BCKDHB: variants seen among roughly 807,000 people sequenced by gnomAD.
BCKDHB encodes branched chain keto acid dehydrogenase E1 subunit beta.
Under a neutral mutation model 48.5 loss-of-function variants are expected in BCKDHB, and 41 were observed. The ratio of observed to expected loss-of-function variants is 0.85; its 90% CI spans 0.66 to 1.10. The LOEUF (loss-of-function observed/expected upper bound fraction) is 1.10. Ranked by LOEUF, BCKDHB falls within the 50% of genes least tolerant of loss-of-function variation. The pLI, the probability that BCKDHB is intolerant of heterozygous loss-of-function variation, is 0.00. For missense variants in BCKDHB, 496 were observed against 494.2 expected (o/e 1.00, Z -0.03); for synonymous variants, 201 against 174.8 (o/e 1.15, Z -1.18).
At chr6:80,358,418 C>G in the BCKDHB span, among the ~76,000 whole-genome samples, 1 of 151,982 alleles carries the variant, frequency 6.6e-6, no homozygotes, top group Non-Finnish European at 1.5e-5. Flanking sequence ...TTTCATTTTT[C>G]TGTTTATTTT....
chr6:80,358,988 C>A, the BCKDHB span, among the ~76,000 whole-genome samples: 1 of 152,174 alleles, frequency 6.6e-6, no homozygotes, highest in African/African-American at 2.4e-5. Flanking sequence ...TCTGAGAGGG[C>A]CCCAACATTG....
intron 9 of BCKDHB, among the ~76,000 whole-genome samples, chr6:80,289,422 C>G (rs1485820851): frequency 6.6e-6 from 1 of 152,058 alleles, no homozygotes; most frequent in African/African-American, 2.4e-5. Context: ...GTTAAGATGG[C>G]TGACTAGATG....
chr6:80,377,943 T>C, the BCKDHB span, among the ~76,000 whole-genome samples: 1 of 152,224 alleles, frequency 6.6e-6, no homozygotes, highest in Non-Finnish European at 1.5e-5. Flanking sequence ...GTTAAGTCTT[T>C]AGATCTGTGA....
chr6:80,325,190 A>G (rs989120740), intron 9 of BCKDHB, among the ~76,000 whole-genome samples: 2 of 152,200 alleles, frequency 1.3e-5, no homozygotes, highest in African/African-American at 4.8e-5. Flanking sequence ...TAGATCAAAC[A>G]TGGTTTATTA....
chr6:80,386,984 C>T, the BCKDHB span, among the ~76,000 whole-genome samples: 2 of 152,086 alleles, frequency 1.3e-5, no homozygotes, highest in African/African-American at 2.4e-5. Context: ...TCTCCCATCC[C>T]CCCCCAAGGA....
the BCKDHB span, among the ~76,000 whole-genome samples, chr6:80,420,168 A>G: frequency 6.6e-6 from 1 of 152,328 alleles, no homozygotes; most frequent in South Asian, 2.1e-4. Flanking sequence ...AAGGTCAGCC[A>G]CTACCCACTG....
At chr6:80,267,490 G>A (rs1447951211) in intron 8 of BCKDHB, among the ~76,000 whole-genome samples, 1 of 152,070 alleles carries the variant, frequency 6.6e-6, no homozygotes, top group Non-Finnish European at 1.5e-5. Context: ...GTATGAGATG[G>A]GTCTTGAGGG....
At position 80,272,143 on chromosome 6, in the gene BCKDHB, T is replaced by C. The variant is rs555449452; in HGVS notation, c.952-992T>C. 2.0e-5 allele frequency among the ~76,000 whole-genome samples: 3 copies of C among 152,278 alleles called. No individual in the cohort carries two copies. In the South Asian group the frequency reaches 6.2e-4, roughly 32 times the overall value. ...TTTACCTAGTAGATATGGTAACTTA[T>C]TTTTGTCATGGCTACTGGCTATATC... is the stretch of plus-strand genomic sequence containing the variant. On this transcript the variant is annotated intron_variant, in intron 8 of 9. Coordinates refer to ENST00000320393, the MANE Select transcript of BCKDHB (RefSeq NM_183050.4).
chr6:80,285,948 GTGTGTGTGTATA>G (rs2127979592), intron 9 of BCKDHB, among the ~76,000 whole-genome samples: 1 of 152,186 alleles, frequency 6.6e-6, no homozygotes, highest in East Asian at 1.9e-4. Flanking sequence ...GTGTCTCTGT[GTGTGTGTGTATA>G]TGTGTGTGTG....
intron 6 of BCKDHB, 59 bp from the exon 7 acceptor site, chr6:80,200,875 A>G (rs1774356570): frequency 2.3e-6 from 3 of 1,326,584 alleles, no homozygotes; most frequent in Admixed American, 3.4e-5. Context: ...AAATTATTTT[A>G]TGCACAAGTG....
At chr6:80,272,983 C>T (rs1215811431) in intron 8 of BCKDHB, 152 bp from the exon 9 acceptor site, 6 of 672,980 alleles carry the variant, frequency 8.9e-6, no homozygotes, top group Middle Eastern at 4.1e-4. Context: ...CTGTCGAAAG[C>T]GAGTTGTAAC....
chr6:80,197,572 C>T lies in BCKDHB; in HGVS notation c.743-3362C>T, dbSNP rs558671155. ...AAGATGCCAACCCATTTCTTGTGGT[C>T]TGCCAGCCCTTAGAATTGTGTGTTC... On this transcript the variant is annotated intron_variant, in intron 6 of 9. Transcript: ENST00000320393. Among the ~76,000 whole-genome samples, 252 of 152,276 alleles carry T rather than the reference C, an allele frequency of 1.7e-3. 1 individual carries two copies. The highest frequency in any genetic ancestry group is 3.0e-3 in the Non-Finnish European group (203 of 68,024).
intron 9 of BCKDHB, among the ~76,000 whole-genome samples, chr6:80,283,091 G>A (rs1582499912): frequency 6.6e-6 from 1 of 152,018 alleles, no homozygotes; most frequent in East Asian, 1.9e-4. Context: ...TTTTTCTGCA[G>A]GTTAGTGTCT....
the BCKDHB span, among the ~76,000 whole-genome samples, chr6:80,378,729 G>A: frequency 3.3e-5 from 5 of 152,020 alleles, no homozygotes; most frequent in Non-Finnish European, 7.4e-5. Context: ...TTCCATAGAG[G>A]TTGAACTAAT....
the BCKDHB span, among the ~76,000 whole-genome samples, chr6:80,403,516 A>G: frequency 6.6e-6 from 1 of 151,912 alleles, no homozygotes; most frequent in Non-Finnish European, 1.5e-5. Context: ...AGATCATGTC[A>G]TCTACAAACA....
the BCKDHB span, among the ~76,000 whole-genome samples, chr6:80,422,004 T>C: frequency 2.0e-5 from 3 of 152,268 alleles, 1 homozygote; most frequent in South Asian, 6.2e-4. Context: ...GTAGCCAAGA[T>C]CATGAGAAAA....
At chr6:80,268,629 A>T (rs984610344) in intron 8 of BCKDHB, among the ~76,000 whole-genome samples, 1 of 152,130 alleles carries the variant, frequency 6.6e-6, no homozygotes, top group Admixed American at 6.6e-5. Flanking sequence ...TAAAAAATAC[A>T]GATAGATGAT....
In BCKDHB at chr6:80,106,850, C is replaced by T. The variant is rs1355904092; in HGVS notation, c.157C>T (p.His53Tyr). The T allele has an allele frequency of 3.1e-6, 5 of 1,610,170 alleles. No individual in the cohort carries two copies. Among genetic ancestry groups the T allele is most frequent in the Non-Finnish European group, 3.4e-6 (4 of 1,178,956 alleles). ...EDAAQRRQVAHFTFQPDPEPR... is the reference protein window; with the variant it reads ...EDAAQRRQVAYFTFQPDPEPR... ...TGCGGCCCAGAGGCGGCAGGTGGCT[C>T]ATTTTACTTTCCAGCCAGATCCGGA... Residue 53 changes from histidine to tyrosine, a missense_variant, in exon 1 of 10, where the codon CAT becomes TAT. Coordinates refer to ENST00000320393, the MANE Select transcript of BCKDHB (RefSeq NM_183050.4).
the BCKDHB span, among the ~76,000 whole-genome samples, chr6:80,405,702 C>G: frequency 6.6e-6 from 1 of 151,980 alleles, no homozygotes; most frequent in African/African-American, 2.4e-5. Context: ...TCTACTAAAA[C>G]TTTTTTCTTT....
Sources: allele counts gnomAD v4.1 joint callset (sites outside exome capture counted in the v4.1 genomes callset), GRCh38; gene constraint gnomAD v4.1.1; transcripts MANE v1.5; gene names NCBI Gene and HGNC (gene_info 2026-07-23, HGNC 2026-07-21).